Variants in SMIM18 observed in about 807,000 individuals in gnomAD.
The protein encoded by SMIM18 is small integral membrane protein 18.
SMIM18 carries 4 observed loss-of-function variants against 5.9 expected under a neutral mutation model. The ratio of observed to expected loss-of-function variants is 0.68; its 90% CI spans 0.33 to 1.56. SMIM18 has a LOEUF of 1.56. SMIM18 is among the 40% of genes most tolerant of loss of function. The probability of loss-of-function intolerance (pLI) is 0.06; values close to 1 mark genes in which losing one functional copy is unlikely to be tolerated. For synonymous variants in SMIM18, 37 were observed against 37.4 expected (o/e 0.99, Z 0.04); for missense variants, 89 against 109.7 (o/e 0.81, Z 0.84).
chr8:30,644,942 GT>G (rs1474700741), intron 2 of SMIM18, among the ~76,000 whole-genome samples: 2 of 151,638 alleles, frequency 1.3e-5, no homozygotes, highest in Non-Finnish European at 2.9e-5. Context: ...GTAGAGACGG[GT>G]TTCGCCATGT....
intron 1 of SMIM18, among the ~76,000 whole-genome samples, chr8:30,638,885 T>A (rs1419143533): frequency 1.3e-5 from 2 of 152,302 alleles, no homozygotes; most frequent in East Asian, 3.9e-4. Flanking sequence ...ATGAACCTGA[T>A]CTATATCCAG....
At position 30,645,517 on chromosome 8, in the gene SMIM18, G is replaced by A. The variant is rs942345199; in HGVS notation, c.208G>A (p.Val70Met). 16 of 1,535,442 alleles carry A rather than the reference G, an allele frequency of 1.0e-5. No individual in the cohort carries two copies. Among genetic ancestry groups the A allele is most frequent in the African/African-American group, 2.7e-5 (2 of 73,000 alleles). Residue 70 changes from valine to methionine, a missense_variant, in exon 3 of 3, where the codon GTG (valine) becomes ATG (methionine). Physicochemically the swap from Val to Met is conservative, Grantham distance 21. Coordinates refer to ENST00000517349, the MANE Select transcript of SMIM18 (RefSeq NM_001206847.2). ...DCCCCVKNKT[V>M]KDLKSEPNPL... ...CTGCTGCTGTGTAAAAAACAAAACC[G>A]TGAAAGACTTGAAAAGTGAACCCAA...
rs190747298 is a variant in SMIM18, at chr8:30,646,015, C to A, written c.*418C>A. Reference sequence around the variant, plus strand: ...ATGTTTCTAAGTCTGAAGTAAAATACTTCCACTTATATATATAAAGTTCCT... The same window carrying A: ...ATGTTTCTAAGTCTGAAGTAAAATAATTCCACTTATATATATAAAGTTCCT... On this transcript the variant is annotated 3_prime_UTR_variant, in exon 3 of 3. Transcript: ENST00000517349. 1.3e-3 allele frequency: 209 copies of A among 154,958 alleles called. No homozygotes were observed. The highest frequency in any genetic ancestry group is 4.5e-3 in the African/African-American group (188 of 41,584). The allele number at this position is 154,958 out of a possible 1,614,324, so 9.6% of individuals were successfully genotyped here. A position where few individuals can be genotyped will look rare whatever the true frequency, so the allele number is the denominator to read the frequency against.
chr8:30,642,456 T>G (rs1261056164), intron 1 of SMIM18, among the ~76,000 whole-genome samples: 1 of 152,194 alleles, frequency 6.6e-6, no homozygotes, highest in Non-Finnish European at 1.5e-5. Flanking sequence ...TTTCTCTTTT[T>G]AAAATAGATG....
intron 1 of SMIM18, among the ~76,000 whole-genome samples, chr8:30,639,736 G>A (rs1464721018): frequency 6.6e-6 from 1 of 151,826 alleles, no homozygotes; most frequent in African/African-American, 2.4e-5. Flanking sequence ...TTACCTTGCT[G>A]GTAAGTTTAT....
intron 2 of SMIM18, 92 bp from the exon 3 acceptor site, chr8:30,645,189 C>T (rs1260421891): frequency 1.8e-6 from 2 of 1,097,106 alleles, no homozygotes; most frequent in South Asian, 1.7e-5. Flanking sequence ...TTCATGTTGC[C>T]TATACAAATT....
At chr8:30,641,222 C>T (rs1161055419) in intron 1 of SMIM18, among the ~76,000 whole-genome samples, 1 of 152,172 alleles carries the variant, frequency 6.6e-6, no homozygotes, top group Non-Finnish European at 1.5e-5. Flanking sequence ...AATACACTCA[C>T]AAGACAAATC....
chr8:30,642,356 G>C (rs1297142350), intron 1 of SMIM18, among the ~76,000 whole-genome samples: 1 of 150,840 alleles, frequency 6.6e-6, no homozygotes, highest in Non-Finnish European at 1.5e-5. Context: ...CCATAAGCAG[G>C]AATAAAAGAA....
At chr8:30,641,743 T>A in intron 1 of SMIM18, among the ~76,000 whole-genome samples, 1 of 152,306 alleles carries the variant, frequency 6.6e-6, no homozygotes, top group South Asian at 2.1e-4. Flanking sequence ...TGGGTGTGAC[T>A]GTACATACCT....
chr8:30,645,264 T>G lies in SMIM18; in HGVS notation c.-29-17T>G. 2.0e-6 allele frequency: 3 copies of G among 1,493,592 alleles called. No homozygotes were observed. The highest frequency in any genetic ancestry group is 2.7e-6 in the Non-Finnish European group (3 of 1,129,220). The allele number at this position is 1,493,592 out of a possible 1,614,324, so 92.5% of individuals were successfully genotyped here. On this transcript the variant is annotated splice_polypyrimidine_tract_variant and intron_variant, in intron 2 of 2. Transcript: ENST00000517349. Reference sequence around the variant, plus strand: ...CTGTAGTTTGCTACATAAATTCATTTTCTACCTTTTTTATAGATTCAAAAG... The same window carrying G: ...CTGTAGTTTGCTACATAAATTCATTGTCTACCTTTTTTATAGATTCAAAAG...
rs1335428461 is a variant in SMIM18 at position 30,645,920 on chromosome 8, AT to A, written c.*324del. ...GACAAGCAAGGCTAATGATGCTAAA[AT>A]GATTTTATAACTAACCAATTCATGT... On this transcript the variant is annotated 3_prime_UTR_variant, in exon 3 of 3. Transcript: ENST00000517349. 4.7e-6 allele frequency: 1 copy of A among 211,850 alleles called. No individual in the cohort carries two copies. The highest frequency in any genetic ancestry group is 9.4e-6 in the Non-Finnish European group (1 of 106,292). 13.1% of individuals were successfully genotyped at this position (211,850 alleles called of 1,614,324 possible).
At chr8:30,644,138 T>C (rs1801968520) in intron 1 of SMIM18, among the ~76,000 whole-genome samples, 1 of 152,202 alleles carries the variant, frequency 6.6e-6, no homozygotes. Context: ...CTAATTTAGT[T>C]CCTCATTACT....
chr8:30,642,699 C>G lies in SMIM18; in HGVS notation c.-110-1793C>G, dbSNP rs544614157. Reference sequence around the variant, plus strand: ...TCTTCCTATATACACTATCCTACACCTTGTTCTTTTCACTTAAGAACATAT... The same window carrying G: ...TCTTCCTATATACACTATCCTACACGTTGTTCTTTTCACTTAAGAACATAT... On this transcript the variant is annotated intron_variant, in intron 1 of 2. Transcript: ENST00000517349. Among the ~76,000 whole-genome samples, 38 of 152,308 alleles carry G rather than the reference C, an allele frequency of 2.5e-4. 1 individual carries two copies. Among genetic ancestry groups the G allele is most frequent in the Admixed American group, 9.8e-4 (15 of 15,302 alleles).
intron 1 of SMIM18, chr8:30,643,738 G>T (rs547430441): frequency 1.3e-5 from 2 of 148,746 alleles, no homozygotes; most frequent in East Asian, 3.9e-4. Flanking sequence ...TTTTACTAAA[G>T]ATTTCTTCAG....
rs138569990 is a variant in SMIM18, at chr8:30,641,029, T to C, written c.-111+2390T>C. 2.6e-5 allele frequency among the ~76,000 whole-genome samples: 4 copies of C among 152,314 alleles called. No individual in the cohort carries two copies. The East Asian group carries it at 5.8e-4, about 22-fold the overall frequency. ...TGCATGCTTAATTATGCCTAATCCA[T>C]GAAAGTAAGATTTAGCCTTTACCCT... On this transcript the variant is annotated intron_variant, in intron 1 of 2. Transcript: ENST00000517349.
chr8:30,645,181 C>A, intron 2 of SMIM18, 100 bp from the exon 3 acceptor site: 1 of 1,029,156 alleles, frequency 9.7e-7, no homozygotes, highest in Non-Finnish European at 1.4e-6. Context: ...AAGGAAGATT[C>A]ATGTTGCCTA....
At chr8:30,645,183 T>C (rs942482267) in intron 2 of SMIM18, 98 bp from the exon 3 acceptor site, 63 of 1,042,316 alleles carry the variant, frequency 6.0e-5, no homozygotes, top group East Asian at 2.6e-5. Flanking sequence ...GGAAGATTCA[T>C]GTTGCCTATA....
intron 1 of SMIM18, among the ~76,000 whole-genome samples, chr8:30,640,412 CA>C (rs1427437971): frequency 6.6e-6 from 1 of 151,888 alleles, no homozygotes; most frequent in Admixed American, 6.6e-5. Context: ...GTAAACATAT[CA>C]AAATGGGAGT....
intron 1 of SMIM18, among the ~76,000 whole-genome samples, chr8:30,640,051 C>T (rs565772525): frequency 3.3e-5 from 5 of 152,314 alleles, no homozygotes; most frequent in African/African-American, 1.2e-4. Context: ...CTACCACCCA[C>T]ATTGTTTTAA....
Sources: gnomAD v4.1 joint callset for allele counts (sites outside exome capture counted in the v4.1 genomes callset) on GRCh38, gnomAD v4.1.1 for gene constraint, MANE v1.5 for transcripts, NCBI Gene and HGNC (gene_info 2026-07-23, HGNC 2026-07-21) for gene names.